Variants in EDIL3 observed in about 807,000 individuals in gnomAD.
EDIL3 encodes EGF-like repeat and discoidin I-like domain-containing protein 3.
In EDIL3, 37 loss-of-function variants were observed where a neutral mutation model predicts 67.4. The ratio of observed to expected loss-of-function variants is 0.55; its 90% CI spans 0.42 to 0.72. The LOEUF (loss-of-function observed/expected upper bound fraction) is 0.72. Ranked by LOEUF, EDIL3 falls within the 30% of genes least tolerant of loss-of-function variation. The pLI is 0.00. For synonymous variants in EDIL3, 195 were observed against 196.3 expected, an observed-to-expected ratio of 0.99 and a Z score of 0.05; for missense variants, 527 against 586.3, an observed-to-expected ratio of 0.90 and a Z score of 1.04.
chr5:84,182,566 A>G (rs1361318981), intron 3 of EDIL3, among the ~76,000 whole-genome samples: 1 of 152,034 alleles, frequency 6.6e-6, no homozygotes, highest in African/African-American at 2.4e-5. Context: ...GGTGGGAAGC[A>G]CTTAGAAGGT....
chr5:84,169,349 C>T (rs1748768412), intron 4 of EDIL3, among the ~76,000 whole-genome samples: 1 of 151,872 alleles, frequency 6.6e-6, no homozygotes, highest in South Asian at 2.1e-4. Flanking sequence ...AAAACAGAAC[C>T]AAAATATTGA....
chr5:83,956,913 T>C (rs187226939), intron 10 of EDIL3, among the ~76,000 whole-genome samples: 52 of 151,862 alleles, frequency 3.4e-4, no homozygotes, highest in African/African-American at 1.2e-3. Context: ...ATAACAATGT[T>C]CTTATTTTTA....
chr5:84,094,229 T>C (rs191732940), intron 6 of EDIL3, among the ~76,000 whole-genome samples: 1 of 152,178 alleles, frequency 6.6e-6, no homozygotes, highest in Non-Finnish European at 1.5e-5. Context: ...CAACTATGTA[T>C]GAAAAACTCA....
At chr5:84,170,917 C>T (rs1258006830) in intron 4 of EDIL3, among the ~76,000 whole-genome samples, 2 of 152,002 alleles carry the variant, frequency 1.3e-5, no homozygotes, top group African/African-American at 4.8e-5. Context: ...GCCTCAGCCT[C>T]CAGAGTAGAT....
At position 83,990,972 on chromosome 5, in the gene EDIL3, G is replaced by A. The variant is rs146803291; in HGVS notation, c.1138-27612C>T. 3.4e-3 allele frequency among the ~76,000 whole-genome samples: 523 copies of A among 152,178 alleles called. 2 individuals are homozygous for A. The highest frequency in any genetic ancestry group is 0.012 in the African/African-American group (499 of 41,544). ...AGAGCACAGGGCAACATGAGGAATG[G>A]ATAGTGTAAGAGTTTTTGCATTATT... On this transcript the variant is annotated intron_variant, in intron 9 of 10. Coordinates refer to ENST00000296591, the MANE Select transcript of EDIL3 (RefSeq NM_005711.5).
At chr5:84,038,213 C>T (rs1030154238) in intron 9 of EDIL3, among the ~76,000 whole-genome samples, 13 of 152,024 alleles carry the variant, frequency 8.6e-5, no homozygotes, top group South Asian at 8.3e-4. Context: ...GCTCTCCTTA[C>T]GCGGTAGGTC....
At chr5:84,218,714 T>C (rs1198443217) in intron 3 of EDIL3, among the ~76,000 whole-genome samples, 1 of 152,110 alleles carries the variant, frequency 6.6e-6, no homozygotes, top group Admixed American at 6.5e-5. Context: ...CTGGCAGCAC[T>C]CACCACAAGT....
intron 1 of EDIL3, among the ~76,000 whole-genome samples, chr5:84,367,794 C>T (rs1032704095): frequency 3.3e-5 from 5 of 152,216 alleles, no homozygotes; most frequent in African/African-American, 9.6e-5. Context: ...AAAATTTCTA[C>T]CCCATCCTTT....
chr5:84,060,359 T>C lies in EDIL3; in HGVS notation c.1078A>G (p.Lys360Glu). 1 of 1,613,884 alleles carries C rather than the reference T, an allele frequency of 6.2e-7. No individual in the cohort carries two copies. Among genetic ancestry groups the C allele is most frequent in the Non-Finnish European group, 8.5e-7 (1 of 1,179,858 alleles). Residue 360 changes from lysine to glutamate, a missense_variant, in exon 9 of 11, where the codon AAG (lysine) becomes GAG (glutamate). Physicochemically the swap from Lys to Glu is moderately conservative, Grantham distance 56. Around this residue, in one of 2 missense-constraint regions of EDIL3, gnomAD observed 494 missense variants for 522.5 expected, o/e 0.95. Coordinates refer to ENST00000296591, the MANE Select transcript of EDIL3 (RefSeq NM_005711.5). ...GTCCAGGCATTCACTTTGCCTTGCT[T>C]GTCCAGCCGAGCTTTCCTTGGTTCC... Reference protein sequence around the residue: ...TWEPRKARLDKQGKVNAWTSG... With the variant: ...TWEPRKARLDEQGKVNAWTSG...
intron 1 of EDIL3, among the ~76,000 whole-genome samples, chr5:84,340,679 G>T (rs767946944): frequency 6.6e-6 from 1 of 150,806 alleles, no homozygotes; most frequent in Non-Finnish European, 1.5e-5. Context: ...CATGCCCATT[G>T]CATTGTTCCC....
intron 1 of EDIL3, among the ~76,000 whole-genome samples, chr5:84,338,049 TA>T (rs1444030150): frequency 6.6e-6 from 1 of 152,166 alleles, no homozygotes; most frequent in African/African-American, 2.4e-5. Context: ...TAATTGGGCA[TA>T]AAAATACACC....
At chr5:84,209,287 A>G (rs969220890) in intron 3 of EDIL3, among the ~76,000 whole-genome samples, 3 of 152,014 alleles carry the variant, frequency 2.0e-5, no homozygotes, top group Non-Finnish European at 2.9e-5. Context: ...ATGACGAGTT[A>G]ATGGGTGCAG....
chr5:84,356,346 T>A lies in EDIL3; in HGVS notation c.67+27962A>T, dbSNP rs562764575. On this transcript the variant is annotated intron_variant, in intron 1 of 10. Transcript: ENST00000296591. ...AACCACATTAAAAGAACGGCCAGGA[T>A]TATCTAAGTGGGGAACATGCTTTTC... Among the ~76,000 whole-genome samples the A allele has an allele frequency of 4.1e-4, 63 of 152,320 alleles. 1 individual carries two copies. The South Asian group carries it at 0.011, about 26-fold the overall frequency.
At chr5:84,381,345 T>C (rs1437663601) in intron 1 of EDIL3, among the ~76,000 whole-genome samples, 1 of 152,170 alleles carries the variant, frequency 6.6e-6, no homozygotes, top group African/African-American at 2.4e-5. Context: ...TTTAATTTGA[T>C]ATTTCAGAAT....
At chr5:84,026,051 G>C (rs1745804364) in intron 9 of EDIL3, among the ~76,000 whole-genome samples, 1 of 152,176 alleles carries the variant, frequency 6.6e-6, no homozygotes, top group South Asian at 2.1e-4. Flanking sequence ...TGTGGTCTCT[G>C]GATGGGCAGC....
intron 1 of EDIL3, among the ~76,000 whole-genome samples, chr5:84,330,378 T>A (rs1046938018): frequency 2.6e-5 from 4 of 152,138 alleles, no homozygotes; most frequent in African/African-American, 9.7e-5. Context: ...ATGGAAGAAT[T>A]AGTATAATTA....
intron 9 of EDIL3, among the ~76,000 whole-genome samples, chr5:84,004,875 A>G (rs1174032931): frequency 6.6e-6 from 1 of 152,100 alleles, no homozygotes; most frequent in Non-Finnish European, 1.5e-5. Flanking sequence ...GAGAAACCAT[A>G]CAAAAGACTA....
At chr5:84,024,827 T>C (rs1745783533) in intron 9 of EDIL3, among the ~76,000 whole-genome samples, 3 of 152,118 alleles carry the variant, frequency 2.0e-5, no homozygotes, top group Non-Finnish European at 2.9e-5. Flanking sequence ...CTATTACCTT[T>C]TGAGTATTGA....
chr5:84,260,770 C>T (rs1047814973), intron 1 of EDIL3, among the ~76,000 whole-genome samples: 1 of 152,040 alleles, frequency 6.6e-6, no homozygotes, highest in African/African-American at 2.4e-5. Flanking sequence ...ATGTCTGCAC[C>T]ATCATCCCTG....
Sources: gnomAD v4.1 joint callset for allele counts (sites outside exome capture counted in the v4.1 genomes callset) on GRCh38, gnomAD v4.1.1 for gene constraint, gnomAD v4.1.1 regional missense constraint, MANE v1.5 for transcripts, NCBI Gene and HGNC (gene_info 2026-07-23, HGNC 2026-07-21) for gene names.